The following ZNF385D variants were observed in gnomAD, a reference collection of about 807,000 sequenced individuals.
ZNF385D encodes zinc finger protein 385D, also known as zinc finger protein 659.
A neutral mutation model predicts 35.8 loss-of-function variants in ZNF385D; 15 were observed. That is an observed-to-expected ratio of 0.42 (90% CI 0.28 to 0.64). The LOEUF is 0.64. ZNF385D is among the 30% of genes least tolerant of loss of function. ZNF385D has a pLI of 0.23. For missense variants in ZNF385D, 474 were observed against 494.6 expected (o/e 0.96, Z 0.39); for synonymous variants, 212 against 186.8 (o/e 1.13, Z -1.10).
rs928717710 is a variant in ZNF385D at position 21,539,090 on chromosome 3, G to C, written c.276+25484C>G. Among the ~76,000 whole-genome samples the C allele has an allele frequency of 6.6e-6, 1 of 151,838 alleles. No individual in the cohort carries two copies. The highest frequency in any genetic ancestry group is 1.5e-5 in the Non-Finnish European group (1 of 67,992). On this transcript the variant is annotated intron_variant, in intron 3 of 7. Coordinates refer to ENST00000281523, the MANE Select transcript of ZNF385D (RefSeq NM_024697.3). The surrounding 1 kb of genome is among the most constrained non-coding windows in gnomAD (Gnocchi z 4.0). Reference sequence around the variant, plus strand: ...CAGCTAATACGGAACAAAGGGAGTGGGTGCAGCAAAATATTCAAGTTAATT... The same window carrying C: ...CAGCTAATACGGAACAAAGGGAGTGCGTGCAGCAAAATATTCAAGTTAATT...
At chr3:22,328,530 C>T (rs1694779066) in intron 2 of ZNF385D, among the ~76,000 whole-genome samples, 1 of 151,938 alleles carries the variant, frequency 6.6e-6, no homozygotes, top group African/African-American at 2.4e-5. Flanking sequence ...TTTGGGAGGC[C>T]GAGGCTGGCA....
intron 1 of ZNF385D, among the ~76,000 whole-genome samples, chr3:21,695,760 TATATA>T (rs2067450258): frequency 6.7e-6 from 1 of 150,368 alleles, no homozygotes; most frequent in African/African-American, 2.4e-5. Flanking sequence ...ATATATATTA[TATATA>T]TATATAAAGT....
intron 2 of ZNF385D, among the ~76,000 whole-genome samples, chr3:22,250,636 A>G (rs1233025781): frequency 2.0e-5 from 3 of 152,146 alleles, no homozygotes; most frequent in African/African-American, 7.2e-5. Context: ...ATTTCTGATG[A>G]GAGAAGAATA....
At chr3:22,324,600 T>C (rs1694589973) in intron 2 of ZNF385D, among the ~76,000 whole-genome samples, 2 of 152,122 alleles carry the variant, frequency 1.3e-5, no homozygotes, top group Non-Finnish European at 2.9e-5. Context: ...TGCTAAAGAT[T>C]TCAGTATGCT....
intron 2 of ZNF385D, among the ~76,000 whole-genome samples, chr3:22,351,542 C>T (rs1172170403): frequency 1.3e-5 from 2 of 152,086 alleles, no homozygotes; most frequent in Non-Finnish European, 2.9e-5. Flanking sequence ...GATTTTTATA[C>T]ACAATGCTAC....
chr3:21,709,024 A>G (rs1031879577), intron 1 of ZNF385D, among the ~76,000 whole-genome samples: 1 of 152,200 alleles, frequency 6.6e-6, no homozygotes, highest in Non-Finnish European at 1.5e-5. Context: ...TTAGGAACAC[A>G]TGGGTAGATT....
intron 4 of ZNF385D, among the ~76,000 whole-genome samples, chr3:21,493,012 A>T (rs1705550427): frequency 6.6e-6 from 1 of 152,074 alleles, no homozygotes; most frequent in Admixed American, 6.6e-5. Context: ...TTTAATACAA[A>T]GGCATATAAT....
At chr3:21,751,385 A>ACTACC, upstream of ZNF385D, 1 of 1,019,634 alleles carries the variant, frequency 9.8e-7, no homozygotes, top group Non-Finnish European at 1.2e-6. Context: ...TCTTAAAGCG[A>ACTACC]GAAGAGTGTC....
At chr3:21,523,280 C>T (rs1030799424) in intron 3 of ZNF385D, among the ~76,000 whole-genome samples, 12 of 152,120 alleles carry the variant, frequency 7.9e-5, no homozygotes, top group South Asian at 2.1e-4. Context: ...AAAGTATGAA[C>T]GGAAGAGAAC....
At chr3:22,270,097 C>A (rs1443797615) in intron 2 of ZNF385D, among the ~76,000 whole-genome samples, 1 of 152,046 alleles carries the variant, frequency 6.6e-6, no homozygotes, top group South Asian at 2.1e-4. Flanking sequence ...ATGAGCCCTA[C>A]TTTAGGGACC....
intron 2 of ZNF385D, among the ~76,000 whole-genome samples, chr3:22,180,077 A>G (rs942471474): frequency 2.6e-5 from 4 of 152,228 alleles, no homozygotes; most frequent in Non-Finnish European, 5.9e-5. Context: ...ATAATCAAAT[A>G]GATGCAATAA....
At chr3:21,426,054 G>A (rs1701009798) in intron 5 of ZNF385D, among the ~76,000 whole-genome samples, 1 of 152,078 alleles carries the variant, frequency 6.6e-6, no homozygotes, top group Admixed American at 6.6e-5. Flanking sequence ...TACCTGATGA[G>A]GAAGAGTCAT....
intron 2 of ZNF385D, among the ~76,000 whole-genome samples, chr3:21,645,384 A>C (rs550107751): frequency 5.6e-4 from 86 of 152,270 alleles, no homozygotes; most frequent in African/African-American, 1.9e-3. Flanking sequence ...TAAGACCTCC[A>C]CAACCTACAC....
At chr3:22,205,152 C>A (rs536906108) in intron 2 of ZNF385D, among the ~76,000 whole-genome samples, 9 of 151,956 alleles carry the variant, frequency 5.9e-5, no homozygotes, top group Middle Eastern at 3.4e-3. Flanking sequence ...AATGAAGCTC[C>A]AAAATATCTG....
At chr3:21,684,419 C>G (rs1204154812) in intron 1 of ZNF385D, among the ~76,000 whole-genome samples, 1 of 99,756 alleles carries the variant, frequency 1.0e-5, no homozygotes, top group Non-Finnish European at 2.2e-5. Flanking sequence ...CTCTCTCTCT[C>G]TCTCTCTCTC....
At chr3:21,585,007 G>C (rs1051170312) in intron 2 of ZNF385D, among the ~76,000 whole-genome samples, 1 of 152,122 alleles carries the variant, frequency 6.6e-6, no homozygotes, top group Non-Finnish European at 1.5e-5. Context: ...AAAAGAGATT[G>C]TATGTGTAGA....
chr3:22,086,828 C>A (rs912181291), intron 3 of ZNF385D, among the ~76,000 whole-genome samples: 3 of 151,804 alleles, frequency 2.0e-5, no homozygotes, highest in Non-Finnish European at 2.9e-5. Flanking sequence ...CAAACTATTG[C>A]AAGGACAGAA....
intron 3 of ZNF385D, among the ~76,000 whole-genome samples, chr3:22,080,906 G>A (rs1455098309): frequency 6.6e-6 from 1 of 152,068 alleles, no homozygotes. Context: ...ACCAGACACT[G>A]ACCCTGCTGC....
At chr3:21,546,705 C>T (rs560256450) in intron 3 of ZNF385D, among the ~76,000 whole-genome samples, 7 of 152,034 alleles carry the variant, frequency 4.6e-5, no homozygotes, top group Non-Finnish European at 7.4e-5. Context: ...TTAAGCCAGC[C>T]GCAAGCTTCC....
Sources: allele counts gnomAD v4.1 joint callset (sites outside exome capture counted in the v4.1 genomes callset), GRCh38; gene constraint gnomAD v4.1.1; non-coding constraint Gnocchi (gnomAD v3.1); transcripts MANE v1.5; gene names NCBI Gene and HGNC (gene_info 2026-07-23, HGNC 2026-07-21).